Variants in MS4A4E observed in about 807,000 individuals in gnomAD.
MS4A4E encodes the protein putative membrane-spanning 4-domains subfamily A member 4E.
Under a neutral mutation model 13.3 loss-of-function variants are expected in MS4A4E, and 23 were observed. That is an observed-to-expected ratio of 1.73 (90% confidence interval 1.25 to 2.45). MS4A4E has a LOEUF of 2.45. Among genes scored for constraint, MS4A4E ranks in the 30% most tolerant of loss-of-function variants. The probability of loss-of-function intolerance (pLI) is 0.00; values close to 1 mark genes in which losing one functional copy is unlikely to be tolerated. For missense variants in MS4A4E, 144 were observed against 131.2 expected (o/e 1.10, Z -0.48); for synonymous variants, 36 against 45.6 (o/e 0.79, Z 0.85).
intron 2 of MS4A4E, 81 bp downstream of exon 2, chr11:60,229,831 G>A: frequency 7.9e-6 from 11 of 1,395,668 alleles, no homozygotes; most frequent in Non-Finnish European, 9.7e-6. Context: ...AGGCTAGCGG[G>A]ACAGTGTATT....
chr11:60,220,202 C>T (rs1451654072), intron 3 of MS4A4E, among the ~76,000 whole-genome samples: 1 of 152,232 alleles, frequency 6.6e-6, no homozygotes, highest in Non-Finnish European at 1.5e-5. Flanking sequence ...CCATTCAACT[C>T]TCCCATTTGG....
chr11:60,206,462 T>C (rs28561879), intron 6 of MS4A4E, among the ~76,000 whole-genome samples: 3 of 69,086 alleles, frequency 4.3e-5, no homozygotes, highest in Non-Finnish European at 5.7e-5. Context: ...TTTGAATATA[T>C]ACACACACAC....
At chr11:60,227,870 A>G (rs1194130250) in intron 3 of MS4A4E, among the ~76,000 whole-genome samples, 2 of 152,066 alleles carry the variant, frequency 1.3e-5, no homozygotes, top group East Asian at 3.8e-4. Flanking sequence ...AAAAAAAAAT[A>G]CTACTTAAAA....
At chr11:60,232,504 G>A (rs562861667) in intron 1 of MS4A4E, among the ~76,000 whole-genome samples, 12 of 152,176 alleles carry the variant, frequency 7.9e-5, no homozygotes, top group African/African-American at 2.9e-4. Flanking sequence ...GAGTCAGGAG[G>A]GCCTTCTTCC....
chr11:60,220,716 G>A (rs1055991947), intron 3 of MS4A4E, among the ~76,000 whole-genome samples: 2 of 152,194 alleles, frequency 1.3e-5, no homozygotes, highest in Non-Finnish European at 2.9e-5. Context: ...GGGTTCAGTG[G>A]TGTGGGGCCT....
intron 3 of MS4A4E, among the ~76,000 whole-genome samples, chr11:60,216,985 G>A (rs2084203405): frequency 1.3e-5 from 2 of 152,196 alleles, no homozygotes; most frequent in East Asian, 3.9e-4. Flanking sequence ...TTCCTCTAGA[G>A]AACCCTGACT....
At chr11:60,205,162 G>A (rs1024697725) in intron 7 of MS4A4E, among the ~76,000 whole-genome samples, 2 of 152,070 alleles carry the variant, frequency 1.3e-5, no homozygotes, top group Non-Finnish European at 2.9e-5. Flanking sequence ...TCCTCAAAAA[G>A]AACTTTCCTG....
chr11:60,234,650 A>G (rs779335096), intron 1 of MS4A4E, among the ~76,000 whole-genome samples: 5 of 152,122 alleles, frequency 3.3e-5, no homozygotes, highest in Admixed American at 6.6e-5. Context: ...CTCTAGAACT[A>G]TAAGAACTGT....
chr11:60,213,256 G>GTTGAAACT, intron 4 of MS4A4E, 124 bp from the exon 5 acceptor site: 1 of 1,530,874 alleles, frequency 6.5e-7, no homozygotes, highest in South Asian at 1.2e-5. Context: ...TCTCCTTATA[G>GTTGAAACT]TGGTTTCAAC....
intron 1 of MS4A4E, among the ~76,000 whole-genome samples, chr11:60,237,795 A>G (rs611267): frequency 0.6 from 91,375 of 151,882 alleles, 28,343 homozygotes; most frequent in African/African-American, 0.75. Flanking sequence ...TGTATCCTTC[A>G]AGCTTGCTTA....
chr11:60,203,272 T>A (rs774265028), intron 8 of MS4A4E, among the ~76,000 whole-genome samples: 4 of 152,202 alleles, frequency 2.6e-5, no homozygotes, highest in Non-Finnish European at 5.9e-5. Context: ...ACCATTCTTT[T>A]CATATCGCCT....
chr11:60,242,932 C>T, intron 1 of MS4A4E, 26 bp downstream of exon 1: 1 of 1,536,062 alleles, frequency 6.5e-7, no homozygotes, highest in South Asian at 1.1e-5. Flanking sequence ...GTCCGAGAGC[C>T]TAGGAAGGCA....
chr11:60,215,159 GT>G (rs975018487), intron 3 of MS4A4E, among the ~76,000 whole-genome samples: 22 of 151,956 alleles, frequency 1.4e-4, no homozygotes, highest in East Asian at 1.2e-3. Context: ...CATTATTAGA[GT>G]TTTTTATTTC....
chr11:60,216,907 C>A (rs1424665285), intron 3 of MS4A4E, among the ~76,000 whole-genome samples: 1 of 152,066 alleles, frequency 6.6e-6, no homozygotes, highest in African/African-American at 2.4e-5. Flanking sequence ...AATAAACTGC[C>A]CTTTATGTAT....
At chr11:60,211,242 T>C (rs2084117848) in intron 5 of MS4A4E, among the ~76,000 whole-genome samples, 1 of 152,242 alleles carries the variant, frequency 6.6e-6, no homozygotes, top group African/African-American at 2.4e-5. Context: ...CTGAGTGACA[T>C]TGGGAAAATT....
chr11:60,219,821 C>T (rs1252153609), intron 3 of MS4A4E, among the ~76,000 whole-genome samples: 1 of 152,114 alleles, frequency 6.6e-6, no homozygotes, highest in African/African-American at 2.4e-5. Context: ...TCCAGGGGAC[C>T]CAAAAAGTCA....
intron 1 of MS4A4E, among the ~76,000 whole-genome samples, chr11:60,238,186 C>T (rs2084507693): frequency 6.6e-6 from 1 of 151,610 alleles, no homozygotes; most frequent in Admixed American, 6.6e-5. Flanking sequence ...TAATACTAGC[C>T]TTATGTAATA....
intron 4 of MS4A4E, 121 bp from the exon 5 acceptor site, chr11:60,213,253 A>T: frequency 6.5e-7 from 1 of 1,529,774 alleles, no homozygotes; most frequent in Non-Finnish European, 8.8e-7. Context: ...TTGTCTCCTT[A>T]TAGTGGTTTC....
In MS4A4E at chr11:60,201,708, A is replaced by G. The variant is rs758311233; in HGVS notation, c.831T>C (p.Pro277=). ...WEVRSVSAWP[P]IVWDVRSPSA... ...AGGGGCTCCTCACGTCCCAGACGAT[A>G]GGCGGCCAGGCAGAGACGCTCCTCA... Residue 277 remains proline, a synonymous_variant, in exon 9 of 9, where the codon CCT becomes CCC. Transcript: ENST00000651255. 2.8e-5 allele frequency: 6 copies of G among 214,356 alleles called. No homozygotes were observed. The highest frequency in any genetic ancestry group is 6.1e-5 in the Admixed American group (1 of 16,300). 13.3% of individuals were successfully genotyped at this position (214,356 alleles called of 1,614,324 possible).
Sources: allele counts gnomAD v4.1 joint callset (sites outside exome capture counted in the v4.1 genomes callset), GRCh38; gene constraint gnomAD v4.1.1; transcripts MANE v1.5; gene names NCBI Gene and HGNC (gene_info 2026-07-23, HGNC 2026-07-21).